TOPBP1: variants seen among roughly 807,000 people sequenced by gnomAD.
TOPBP1 encodes the protein DNA topoisomerase II binding protein 1, also known as DNA topoisomerase 2-binding protein 1.
Under a neutral mutation model 167.7 loss-of-function variants are expected in TOPBP1, and 28 were observed. The observed-to-expected ratio is 0.17, with a 90% confidence interval of 0.12 to 0.23. The LOEUF (loss-of-function observed/expected upper bound fraction) is 0.23. Among genes scored for constraint, TOPBP1 ranks in the 10% least tolerant of loss-of-function variants. The pLI is 1.00. For missense variants in TOPBP1, 1,554 were observed against 1,809.6 expected (o/e 0.86, Z 2.56); for synonymous variants, 598 against 611.4 (o/e 0.98, Z 0.32).
intron 23 of TOPBP1, among the ~76,000 whole-genome samples, chr3:133,614,444 C>G (rs978655641): frequency 1.3e-5 from 2 of 152,096 alleles, no homozygotes; most frequent in South Asian, 4.2e-4. Flanking sequence ...ACATATATAT[C>G]AGTTGGCCAC....
intron 16 of TOPBP1, among the ~76,000 whole-genome samples, chr3:133,624,749 A>G (rs1935210255): frequency 2.0e-5 from 3 of 152,164 alleles, no homozygotes; most frequent in Non-Finnish European, 2.9e-5. Flanking sequence ...GCCCCAAAAC[A>G]GACTATATAT....
At chr3:133,624,481 A>G (rs1440586550) in intron 16 of TOPBP1, among the ~76,000 whole-genome samples, 2 of 152,194 alleles carry the variant, frequency 1.3e-5, no homozygotes, top group Non-Finnish European at 2.9e-5. Flanking sequence ...CTCAAGAAAA[A>G]AACAGTTAAA....
intron 4 of TOPBP1, among the ~76,000 whole-genome samples, chr3:133,657,442 C>T (rs991629027): frequency 5.4e-5 from 8 of 149,226 alleles, no homozygotes; most frequent in Admixed American, 1.3e-4. Flanking sequence ...AGTGCAGTGG[C>T]GTGATGTTGG....
chr3:133,620,100 T>C (rs1935031561), intron 20 of TOPBP1, 55 bp downstream of exon 20: 1 of 1,509,064 alleles, frequency 6.6e-7, no homozygotes, highest in African/African-American at 1.4e-5. Flanking sequence ...AGCAGGTACG[T>C]AAATCCTTTC....
intron 19 of TOPBP1, among the ~76,000 whole-genome samples, chr3:133,620,892 A>T (rs1268978606): frequency 6.6e-6 from 1 of 152,098 alleles, no homozygotes; most frequent in Admixed American, 6.5e-5. Context: ...AAGACATTTC[A>T]TCAAGACCTG....
At chr3:133,630,552 C>T (rs1330477204) in intron 14 of TOPBP1, among the ~76,000 whole-genome samples, 2 of 151,866 alleles carry the variant, frequency 1.3e-5, no homozygotes, top group Admixed American at 6.6e-5. Flanking sequence ...CTCGCCTTGG[C>T]CTCCCAAAGT....
Position 133,628,448 on chromosome 3 carries a change from G to A in TOPBP1, c.2718C>T (p.His906=). 6.2e-7 allele frequency: 1 copy of A among 1,611,168 alleles called. No individual in the cohort carries two copies. The highest frequency in any genetic ancestry group is 8.5e-7 in the Non-Finnish European group (1 of 1,178,604). The change falls in exon 16 of 28, where the codon CAC becomes CAT. Residue 906 remains histidine, a synonymous_variant. Coordinates refer to ENST00000260810, the MANE Select transcript of TOPBP1 (RefSeq NM_007027.4). The part of the protein sequence containing the change: ...SEKEEAPKPL[H]KVVVCVSKKL... ...TTTTACTAACACATACCACTACTTTGTGAAGTGGCTTTGGGGCTTCTTCCT... is the reference window on the plus strand; with the variant it reads ...TTTTACTAACACATACCACTACTTTATGAAGTGGCTTTGGGGCTTCTTCCT...
In TOPBP1 at chr3:133,644,258, A is replaced by G. The variant is rs1403616299; in HGVS notation, c.1610T>C (p.Val537Ala). ...AGAAACATCAGGGACACAATGACTGACAGAAGACTGGTTTTCTTCTTGCAA... is the reference window on the plus strand; with the variant it reads ...AGAAACATCAGGGACACAATGACTGGCAGAAGACTGGTTTTCTTCTTGCAA... ...ISLQEENQSS[V>A]SHCVPDVSTI... Residue 537 changes from valine (V) to alanine (A), a missense_variant, in exon 11 of 28, where the codon GTC (valine) becomes GCC (alanine). Around this residue, in one of 3 missense-constraint regions of TOPBP1, gnomAD observed 1,197 missense variants for 1,351.5 expected, o/e 0.89. Coordinates refer to ENST00000260810, the MANE Select transcript of TOPBP1 (RefSeq NM_007027.4). 5 of 1,613,736 alleles carry G rather than the reference A, an allele frequency of 3.1e-6. No individual in the cohort carries two copies. The highest frequency in any genetic ancestry group is 4.2e-6 in the Non-Finnish European group (5 of 1,179,830).
chr3:133,661,170 C>T (rs982699314), intron 1 of TOPBP1, 36 bp from the exon 2 acceptor site: 1 of 1,475,298 alleles, frequency 6.8e-7, no homozygotes, highest in Non-Finnish European at 9.1e-7. Flanking sequence ...AAGAACAAAA[C>T]CACATTAGAT....
At position 133,659,045 on chromosome 3, in the gene TOPBP1, TA is replaced by T; in HGVS notation, c.189del (p.Phe63LeufsTer21). ...TTGAGGTGATCAAAGACAACGCCAC[TA>T]AAAGGGTCACAGATATAAAGTGATC... ...NDRSLYICDP[F>X]SGVVFDHLKK... On this transcript the variant is annotated frameshift_variant, in exon 3 of 28. Coordinates refer to ENST00000260810, the MANE Select transcript of TOPBP1 (RefSeq NM_007027.4). LOFTEE classifies it high-confidence loss of function. The T allele has an allele frequency of 1.2e-6, 2 of 1,601,030 alleles. No individual in the cohort carries two copies. The highest frequency in any genetic ancestry group is 8.5e-7 in the Non-Finnish European group (1 of 1,173,590).
intron 14 of TOPBP1, among the ~76,000 whole-genome samples, chr3:133,637,339 G>T (rs1344819625): frequency 6.6e-6 from 1 of 152,084 alleles, no homozygotes; most frequent in African/African-American, 2.4e-5. Flanking sequence ...GCATTTTTCA[G>T]AAAGGGAGCC....
chr3:133,634,515 TA>T (rs201255287), intron 14 of TOPBP1, among the ~76,000 whole-genome samples: 5 of 148,154 alleles, frequency 3.4e-5, no homozygotes, highest in Admixed American at 1.3e-4. Flanking sequence ...GACTCTGTCT[TA>T]AAAAAAAAAG....
chr3:133,651,023 A>G (rs1936274675), intron 8 of TOPBP1, among the ~76,000 whole-genome samples: 1 of 151,660 alleles, frequency 6.6e-6, no homozygotes, highest in Non-Finnish European at 1.5e-5. Flanking sequence ...CTTGAACCTA[A>G]GAGGAAGATG....
chr3:133,656,907 T>C (rs1936494731), intron 4 of TOPBP1, 50 bp from the exon 5 acceptor site: 1 of 1,430,508 alleles, frequency 7.0e-7, no homozygotes, highest in Non-Finnish European at 9.2e-7. Flanking sequence ...CAATATTGCT[T>C]CCACTTTTAT....
At chr3:133,653,979 ACTTACT>A (rs1936393532) in intron 6 of TOPBP1, among the ~76,000 whole-genome samples, 2 of 152,300 alleles carry the variant, frequency 1.3e-5, no homozygotes, top group African/African-American at 4.8e-5. Flanking sequence ...AGTTACCAGT[ACTTACT>A]CTTAAACAGT....
intron 16 of TOPBP1, among the ~76,000 whole-genome samples, chr3:133,625,482 C>T (rs1005777286): frequency 6.6e-6 from 1 of 152,006 alleles, no homozygotes; most frequent in Non-Finnish European, 1.5e-5. Flanking sequence ...CCTGTAATTC[C>T]AGTACTTTGG....
rs371215466 is a variant in TOPBP1 at position 133,621,714 on chromosome 3, G to A, written c.3179-1367C>T. On this transcript the variant is annotated intron_variant, in intron 19 of 27. Coordinates refer to ENST00000260810, the MANE Select transcript of TOPBP1 (RefSeq NM_007027.4). ...TTTTCTTTAAAGCCTAAACTCTGGA[G>A]TAAGTATTAAATAAATGCATTTGGA... Among the ~76,000 whole-genome samples the A allele has an allele frequency of 3.2e-4, 49 of 152,260 alleles. 1 individual carries two copies. In the East Asian group the frequency reaches 6.8e-3, roughly 21 times the overall value.
chr3:133,634,154 A>T (rs1252096274), intron 14 of TOPBP1, among the ~76,000 whole-genome samples: 1 of 152,222 alleles, frequency 6.6e-6, no homozygotes, highest in Non-Finnish European at 1.5e-5. Context: ...TGGAAAACTG[A>T]TTTCAAATGA....
intron 24 of TOPBP1, 61 bp from the exon 25 acceptor site, chr3:133,611,202 C>A: frequency 6.7e-7 from 1 of 1,493,992 alleles, no homozygotes; most frequent in Non-Finnish European, 9.0e-7. Flanking sequence ...GTGCAACATA[C>A]AGGGCTCCTC....
Sources: allele counts gnomAD v4.1 joint callset (sites outside exome capture counted in the v4.1 genomes callset), GRCh38; gene constraint gnomAD v4.1.1; regional missense constraint gnomAD v4.1.1; transcripts MANE v1.5; gene names NCBI Gene and HGNC (gene_info 2026-07-23, HGNC 2026-07-21).